CNTNAP2: variants seen among roughly 807,000 people sequenced by gnomAD.
The protein encoded by CNTNAP2 is contactin-associated protein-like 2.
CNTNAP2 carries 98 observed loss-of-function variants against 155.2 expected under a neutral mutation model. The ratio of observed to expected loss-of-function variants is 0.63; its 90% CI spans 0.54 to 0.75. CNTNAP2 has a LOEUF of 0.75. Ranked by LOEUF, CNTNAP2 falls within the 30% of genes least tolerant of loss-of-function variation. CNTNAP2 has a pLI of 0.00. For missense variants in CNTNAP2, 1,727 were observed against 1,688.1 expected (o/e 1.02, Z -0.40); for synonymous variants, 651 against 631.2 (o/e 1.03, Z -0.47).
chr7:147,089,309 C>CA (rs1385974430), intron 4 of CNTNAP2, among the ~76,000 whole-genome samples: 2 of 152,120 alleles, frequency 1.3e-5, no homozygotes, highest in Non-Finnish European at 2.9e-5. Flanking sequence ...CCTAGCATTG[C>CA]ACTTCTCTGT....
chr7:148,004,398 C>A (rs1801941432), intron 15 of CNTNAP2, among the ~76,000 whole-genome samples: 2 of 152,002 alleles, frequency 1.3e-5, no homozygotes, highest in Non-Finnish European at 2.9e-5. Context: ...TTAAAATAGC[C>A]TTTTAAGTCT....
chr7:146,140,509 A>T (rs1797861555), intron 1 of CNTNAP2, among the ~76,000 whole-genome samples: 1 of 152,176 alleles, frequency 6.6e-6, no homozygotes, highest in South Asian at 2.1e-4. Context: ...AGCATTTAAA[A>T]TATATTCTCA....
chr7:147,851,759 G>A lies in CNTNAP2; in HGVS notation c.2099-51806G>A, dbSNP rs904558043. ...GGAACATCACACACCAAGGCCTGTCGTGGGGTGGGGGGAGGGGGGAAGGAT... is the reference window on the plus strand; with the variant it reads ...GGAACATCACACACCAAGGCCTGTCATGGGGTGGGGGGAGGGGGGAAGGAT... On this transcript the variant is annotated intron_variant, in intron 13 of 23. Coordinates refer to ENST00000361727, the MANE Select transcript of CNTNAP2 (RefSeq NM_014141.6). 4.5e-5 allele frequency among the ~76,000 whole-genome samples: 6 copies of A among 134,692 alleles called. No individual in the cohort carries two copies. In the East Asian group the frequency reaches 7.3e-4, roughly 16 times the overall value. 88.4% of individuals were successfully genotyped at this position (134,692 alleles called of 152,430 possible).
At chr7:147,729,835 A>G (rs1796709713) in intron 13 of CNTNAP2, among the ~76,000 whole-genome samples, 1 of 152,134 alleles carries the variant, frequency 6.6e-6, no homozygotes, top group Non-Finnish European at 1.5e-5. Flanking sequence ...ACCATTATAG[A>G]ACATGACTTT....
chr7:147,305,226 T>C (rs1243323548), intron 9 of CNTNAP2, among the ~76,000 whole-genome samples: 1 of 151,118 alleles, frequency 6.6e-6, no homozygotes, highest in Non-Finnish European at 1.5e-5. Context: ...CCAGTTGGGG[T>C]TTTTGCTATT....
At chr7:146,408,384 G>T (rs1415146193) in intron 1 of CNTNAP2, among the ~76,000 whole-genome samples, 1 of 152,054 alleles carries the variant, frequency 6.6e-6, no homozygotes, top group African/African-American at 2.4e-5. Context: ...GCACAGAAGG[G>T]ACTGCCTCAG....
intron 14 of CNTNAP2, among the ~76,000 whole-genome samples, chr7:147,975,329 T>C (rs7780918): frequency 0.42 from 64,141 of 151,592 alleles, 14,267 homozygotes; most frequent in Middle Eastern, 0.64. Context: ...GCATGGGGGG[T>C]GCTTCTAGGG....
intron 1 of CNTNAP2, among the ~76,000 whole-genome samples, chr7:146,706,508 T>C (rs1800968192): frequency 6.6e-6 from 1 of 152,170 alleles, no homozygotes; most frequent in Admixed American, 6.6e-5. Context: ...ATGAATAGTA[T>C]ACCATGCTAA....
chr7:146,890,610 T>A (rs1324928803), intron 3 of CNTNAP2, among the ~76,000 whole-genome samples: 5 of 152,192 alleles, frequency 3.3e-5, no homozygotes, highest in Non-Finnish European at 7.4e-5. Flanking sequence ...TCATCATCAT[T>A]TTTGATGATC....
At chr7:147,357,734 CTT>C (rs1193262082) in intron 9 of CNTNAP2, among the ~76,000 whole-genome samples, 1 of 151,916 alleles carries the variant, frequency 6.6e-6, no homozygotes, top group Non-Finnish European at 1.5e-5. Flanking sequence ...CTAGTGAACA[CTT>C]TTTTTGTTAT....
At chr7:148,056,966 C>A (rs1389098266) in intron 15 of CNTNAP2, among the ~76,000 whole-genome samples, 1 of 152,176 alleles carries the variant, frequency 6.6e-6, no homozygotes, top group Non-Finnish European at 1.5e-5. Context: ...AAAGCTCAGA[C>A]TTTATAGACA....
chr7:146,624,409 G>A (rs1396078227), intron 1 of CNTNAP2, among the ~76,000 whole-genome samples: 1 of 151,920 alleles, frequency 6.6e-6, no homozygotes, highest in Non-Finnish European at 1.5e-5. Context: ...GTTAATTCTT[G>A]CACAAGACAT....
At chr7:147,212,910 T>A (rs917722949) in intron 8 of CNTNAP2, among the ~76,000 whole-genome samples, 4 of 152,142 alleles carry the variant, frequency 2.6e-5, no homozygotes, top group Admixed American at 6.6e-5. Flanking sequence ...GGTGTGTTTT[T>A]AAGTGAAGTT....
intron 15 of CNTNAP2, among the ~76,000 whole-genome samples, chr7:148,041,977 C>A (rs1262957845): frequency 1.3e-5 from 2 of 152,202 alleles, no homozygotes; most frequent in African/African-American, 4.8e-5. Flanking sequence ...TGCATTCATG[C>A]ATTACACCTT....
At chr7:146,126,016 C>T (rs983044313) in intron 1 of CNTNAP2, among the ~76,000 whole-genome samples, 4 of 152,166 alleles carry the variant, frequency 2.6e-5, no homozygotes, top group Non-Finnish European at 5.9e-5. Context: ...TCAAATCAGG[C>T]ACTACTCTTT....
intron 13 of CNTNAP2, among the ~76,000 whole-genome samples, chr7:147,727,263 A>G (rs1796660991): frequency 6.6e-6 from 1 of 151,924 alleles, no homozygotes; most frequent in Admixed American, 6.6e-5. Flanking sequence ...TATTACATAA[A>G]TGTGTGTTAC....
chr7:147,203,478 C>T (rs1341563663), intron 8 of CNTNAP2, among the ~76,000 whole-genome samples: 7 of 152,098 alleles, frequency 4.6e-5, no homozygotes, highest in Admixed American at 2.6e-4. Context: ...GTGATCCGCC[C>T]GCCTCGGCCT....
At chr7:146,677,107 A>G (rs1800413788) in intron 1 of CNTNAP2, among the ~76,000 whole-genome samples, 1 of 152,304 alleles carries the variant, frequency 6.6e-6, no homozygotes, top group Admixed American at 6.5e-5. Flanking sequence ...ATGAGACATC[A>G]ATCAATATGT....
At chr7:147,983,550 C>T (rs578255757) in intron 15 of CNTNAP2, among the ~76,000 whole-genome samples, 1 of 152,206 alleles carries the variant, frequency 6.6e-6, no homozygotes, top group East Asian at 1.9e-4. Flanking sequence ...TCAAGAGGTC[C>T]TCAGAACATG....
Sources: gnomAD v4.1 joint callset for allele counts (sites outside exome capture counted in the v4.1 genomes callset) on GRCh38, gnomAD v4.1.1 for gene constraint, MANE v1.5 for transcripts, NCBI Gene and HGNC (gene_info 2026-07-23, HGNC 2026-07-21) for gene names.